DNAH2: variants seen among roughly 807,000 people sequenced by gnomAD.
DNAH2 encodes dynein axonemal heavy chain 2.
A neutral mutation model predicts 523.5 loss-of-function variants in DNAH2; 323 were observed. That is an observed-to-expected ratio of 0.62 (90% CI 0.56 to 0.68). The LOEUF (loss-of-function observed/expected upper bound fraction) is 0.68. DNAH2 is among the 30% of genes least tolerant of loss of function. The probability of loss-of-function intolerance (pLI) is 0.00; values close to 1 mark genes in which losing one functional copy is unlikely to be tolerated. For missense variants in DNAH2, 4,907 were observed against 5,701.5 expected, an observed-to-expected ratio of 0.86 and a Z score of 4.49; for synonymous variants, 2,093 against 2,177.4, an observed-to-expected ratio of 0.96 and a Z score of 1.08.
rs1271843487 is a variant in DNAH2 at position 7,826,556 on chromosome 17, T to TC, written c.11853+1829_11853+1830insC. Reference sequence around the variant, plus strand: ...TCATCTTTTTTTTTTTTTTTTTTTTTTGAGATGGAGCCTCACTCTGTCGCC... The same window carrying TC: ...TCATCTTTTTTTTTTTTTTTTTTTTTCTGAGATGGAGCCTCACTCTGTCGCC... On this transcript the variant is annotated intron_variant, in intron 77 of 85. Coordinates refer to ENST00000572933, the MANE Select transcript of DNAH2 (RefSeq NM_020877.5). 3.7e-4 allele frequency among the ~76,000 whole-genome samples: 56 copies of TC among 149,516 alleles called. No individual in the cohort carries two copies. The East Asian group carries it at 0.011, about 29-fold the overall frequency.
chr17:7,727,489 C>T (rs1047191639), intron 4 of DNAH2, among the ~76,000 whole-genome samples, 197 bp downstream of exon 4: 1 of 152,158 alleles, frequency 6.6e-6, no homozygotes. Flanking sequence ...CGCGGTGGCT[C>T]ACGCCTGTAA....
intron 7 of DNAH2, among the ~76,000 whole-genome samples, chr17:7,736,802 T>C (rs1338148907): frequency 1.3e-5 from 2 of 152,048 alleles, no homozygotes; most frequent in Non-Finnish European, 2.9e-5. Context: ...GCCAACATGG[T>C]GAAACCCCAT....
In DNAH2 at chr17:7,819,000, A is replaced by G. The variant is rs2077771965; in HGVS notation, c.10752A>G (p.Thr3584=). 6.2e-7 allele frequency: 1 copy of G among 1,610,952 alleles called. No homozygotes were observed. The highest frequency in any genetic ancestry group is 1.1e-5 in the South Asian group (1 of 91,062). The change falls in exon 71 of 86, where the codon ACA becomes ACG. Residue 3584 remains threonine, a synonymous_variant. Transcript: ENST00000572933. ...TGCATACCTCCAAGATCACAGCCACAGAGGTGACTGAGCAGCTGGAGACCA... is the reference window on the plus strand; with the variant it reads ...TGCATACCTCCAAGATCACAGCCACGGAGGTGACTGAGCAGCTGGAGACCA... ...NTLHTSKITA[T]EVTEQLETSE...
chr17:7,820,975 G>T (rs774695807), intron 72 of DNAH2, among the ~76,000 whole-genome samples: 3 of 152,146 alleles, frequency 2.0e-5, no homozygotes, highest in Admixed American at 6.5e-5. Context: ...GGAGGTGGAG[G>T]TTGCAGTGTG....
intron 69 of DNAH2, 22 bp from the exon 70 acceptor site, chr17:7,818,621 C>T: frequency 1.2e-6 from 2 of 1,613,354 alleles, no homozygotes; most frequent in South Asian, 1.1e-5. Context: ...CAGCCCCTCA[C>T]TGTGAGTCCT....
chr17:7,832,942 G>A lies in DNAH2; in HGVS notation c.12978+14G>A. The A allele has an allele frequency of 6.2e-7, 1 of 1,614,190 alleles. No homozygotes were observed. Among genetic ancestry groups the A allele is most frequent in the East Asian group, 2.2e-5 (1 of 44,884 alleles). ...TATCCCCCCAAGGTGGGAGCCAGTT[G>A]TGCTTGGGGCTCTGAGCAAAAGAGG... On this transcript the variant is annotated intron_variant, in intron 84 of 85. Coordinates refer to ENST00000572933, the MANE Select transcript of DNAH2 (RefSeq NM_020877.5). The surrounding 1 kb of genome is among the most constrained non-coding windows in gnomAD (Gnocchi z 4.3).
At chr17:7,803,652 A>G (rs2077283865) in intron 58 of DNAH2, among the ~76,000 whole-genome samples, 1 of 151,024 alleles carries the variant, frequency 6.6e-6, no homozygotes, top group African/African-American at 2.4e-5. Context: ...CCTGGGTGAC[A>G]GATCGAGACT....
Position 7,781,075 on chromosome 17 carries a change from G to A in DNAH2, c.6037G>A (p.Ala2013Thr), listed in dbSNP as rs755894056. The change falls in exon 39 of 86, where the codon GCC becomes ACC. Residue 2013 changes from alanine (A) to threonine (T), a missense_variant. Transcript: ENST00000572933. ...LLLSMRDMNIAKLTSVDAPLF... is the reference protein window; with the variant it reads ...LLLSMRDMNITKLTSVDAPLF... Reference sequence around the variant, plus strand: ...GCTCTCAATGAGAGATATGAACATCGCCAAGCTCACTTCAGTTGATGCACC... The same window carrying A: ...GCTCTCAATGAGAGATATGAACATCACCAAGCTCACTTCAGTTGATGCACC... 1.1e-5 allele frequency: 18 copies of A among 1,614,032 alleles called. No homozygotes were observed. The highest frequency in any genetic ancestry group is 1.7e-5 in the Admixed American group (1 of 60,002).
chr17:7,801,099 G>T (rs570996172), intron 56 of DNAH2, among the ~76,000 whole-genome samples: 2 of 151,572 alleles, frequency 1.3e-5, no homozygotes, highest in Admixed American at 1.3e-4. Flanking sequence ...TTTCGAACAC[G>T]TGGGCTCAAG....
At chr17:7,745,714 C>T (rs1391031103) in intron 12 of DNAH2, among the ~76,000 whole-genome samples, 1 of 150,046 alleles carries the variant, frequency 6.7e-6, no homozygotes, top group African/African-American at 2.5e-5. Context: ...TGCTTGAGCC[C>T]AGGATATTGA....
chr17:7,797,535 G>A lies in DNAH2; in HGVS notation c.8080+5G>A. The A allele has an allele frequency of 1.2e-6, 2 of 1,614,180 alleles. No individual in the cohort carries two copies. Among genetic ancestry groups the A allele is most frequent in the Non-Finnish European group, 1.7e-6 (2 of 1,180,042 alleles). ...GCAAGCGTCCTCCTATCTTTGGTGAGCCAGGAGCTGTGATGACCTTGGGCT... is the reference window on the plus strand; with the variant it reads ...GCAAGCGTCCTCCTATCTTTGGTGAACCAGGAGCTGTGATGACCTTGGGCT... On this transcript the variant is annotated splice_donor_5th_base_variant and intron_variant, in intron 52 of 85. Transcript: ENST00000572933.
rs764101595 is a variant in DNAH2 at position 7,758,579 on chromosome 17, CAA to C, written c.2137_2138del (p.Lys713GlufsTer30). ...TGGATAAGAAGATCCACCCGGGACT[CAA>C]GAAACTGCACTGGGCCTTGAAGGGG... ...LLDKKIHPGL[K>X]KLHWALKGAS... On this transcript the variant is annotated frameshift_variant, in exon 14 of 86. Transcript: ENST00000572933. LOFTEE classifies it high-confidence loss of function. 2 of 1,614,150 alleles carry C rather than the reference CAA, an allele frequency of 1.2e-6. No individual in the cohort carries two copies. The highest frequency in any genetic ancestry group is 1.7e-6 in the Non-Finnish European group (2 of 1,180,032).
chr17:7,809,343 T>C (rs2077449193), intron 63 of DNAH2, among the ~76,000 whole-genome samples: 1 of 152,118 alleles, frequency 6.6e-6, no homozygotes, highest in African/African-American at 2.4e-5. Flanking sequence ...CCCCGTTTTT[T>C]TCCTGCTGTA....
At chr17:7,804,570 G>T (rs2077314359) in intron 59 of DNAH2, 104 bp downstream of exon 59, 2 of 1,319,188 alleles carry the variant, frequency 1.5e-6, no homozygotes, top group South Asian at 2.7e-5. Context: ...TAGTGACTGG[G>T]TGCAGTGGCT....
chr17:7,808,177 C>A (rs542074563), intron 63 of DNAH2, among the ~76,000 whole-genome samples: 1 of 152,152 alleles, frequency 6.6e-6, no homozygotes, highest in East Asian at 1.9e-4. Context: ...TCAAGACTAG[C>A]CTGGCCAACA....
rs2078137182 is a variant in DNAH2 at position 7,830,400 on chromosome 17, T to C, written c.11954T>C (p.Leu3985Pro). Reference protein sequence around the residue: ...PAKYKKLLFSLCFFHSVLLER... With the variant: ...PAKYKKLLFSPCFFHSVLLER... ...AAATATAAGAAGCTGCTGTTTTCAC[T>C]CTGTTTCTTCCACTCTGTGTTACTT... The change falls in exon 78 of 86, where the codon CTC (leucine) becomes CCC (proline). Residue 3985 changes from leucine (L) to proline (P), a missense_variant. Leu to Pro is a moderately conservative substitution (Grantham distance 98, BLOSUM62 -3). Transcript: ENST00000572933. The C allele has an allele frequency of 6.2e-7, 1 of 1,614,258 alleles. No homozygotes were observed. The highest frequency in any genetic ancestry group is 8.5e-7 in the Non-Finnish European group (1 of 1,180,042).
intron 12 of DNAH2, among the ~76,000 whole-genome samples, chr17:7,744,219 G>A (rs56332843): frequency 0.1 from 15,219 of 151,006 alleles, 873 homozygotes; most frequent in Non-Finnish European, 0.11. Flanking sequence ...GCTTGAACCC[G>A]GGAGGCGGAG....
In DNAH2 at chr17:7,804,513, G is replaced by A. The variant is rs144179782; in HGVS notation, c.9183+47G>A. ...CCCGTGCCCCACTCCCACCAGTGCCGGCTACTGCGTCAGGGAACCCATGTT... is the reference window on the plus strand; with the variant it reads ...CCCGTGCCCCACTCCCACCAGTGCCAGCTACTGCGTCAGGGAACCCATGTT... On this transcript the variant is annotated intron_variant, in intron 59 of 85. Coordinates refer to ENST00000572933, the MANE Select transcript of DNAH2 (RefSeq NM_020877.5). 1,662 of 1,595,768 alleles carry A rather than the reference G, an allele frequency of 1.0e-3. 6 individuals are homozygous for A. The African/African-American group carries it at 0.013, about 13-fold the overall frequency.
chr17:7,771,244 A>C (rs1183553021), intron 27 of DNAH2, 86 bp from the exon 28 acceptor site: 1 of 1,571,196 alleles, frequency 6.4e-7, no homozygotes, highest in South Asian at 1.2e-5. Context: ...CTTCTACCCA[A>C]CTGTCACCCA....
Sources: gnomAD v4.1 joint callset for allele counts (sites outside exome capture counted in the v4.1 genomes callset) on GRCh38, gnomAD v4.1.1 for gene constraint, Gnocchi (gnomAD v3.1) non-coding constraint, MANE v1.5 for transcripts, NCBI Gene and HGNC (gene_info 2026-07-23, HGNC 2026-07-21) for gene names.